Variants in PKD1L3 observed in about 807,000 individuals in gnomAD.
PKD1L3 encodes polycystin 1 like 3, transient receptor potential channel interacting.
Under a neutral mutation model 184.1 loss-of-function variants are expected in PKD1L3, and 239 were observed. The ratio of observed to expected loss-of-function variants is 1.30; its 90% CI spans 1.17 to 1.45. PKD1L3 has a LOEUF of 1.45. Ranked by LOEUF, PKD1L3 falls within the 40% of genes most tolerant of loss-of-function variation. The pLI, the probability that PKD1L3 is intolerant of heterozygous loss-of-function variation, is 0.00. For synonymous variants in PKD1L3, 996 were observed against 778.8 expected, an observed-to-expected ratio of 1.28 and a Z score of -4.64; for missense variants, 2,660 against 2,067.2, an observed-to-expected ratio of 1.29 and a Z score of -5.56.
intron 17 of PKD1L3, 42 bp downstream of exon 17, chr16:71,954,063 G>A (rs760999559): frequency 2.1e-6 from 3 of 1,403,176 alleles, no homozygotes; most frequent in South Asian, 3.1e-5. Flanking sequence ...AAAAAAAAAG[G>A]ATTGCTTACT....
chr16:71,989,554 G>A (rs573207789), intron 4 of PKD1L3, among the ~76,000 whole-genome samples: 1 of 152,302 alleles, frequency 6.6e-6, no homozygotes, highest in South Asian at 2.1e-4. Flanking sequence ...TTTCTACATA[G>A]GACACAAGGG....
At chr16:71,945,305 TACACACACACACACACATATATACAC>T (rs764719687) in intron 22 of PKD1L3, among the ~76,000 whole-genome samples, 1,510 of 59,168 alleles carry the variant, frequency 0.026, 44 homozygotes, top group South Asian at 0.087. Flanking sequence ...TATATATATA[TACACACACACACACACATATATACAC>T]ACACACACAC....
At position 71,974,147 on chromosome 16, in the gene PKD1L3, C is replaced by T. The variant is rs548711911; in HGVS notation, c.1760-630G>A. ...GATAGAAGACTAAGGTAACAAACCC[C>T]AGGGTGAAGCAAACATAGAGATAGG... is the stretch of plus-strand genomic sequence containing the variant. On this transcript the variant is annotated intron_variant, in intron 11 of 29. Coordinates refer to ENST00000620267, the MANE Select transcript of PKD1L3 (RefSeq NM_181536.2). Among the ~76,000 whole-genome samples the T allele has an allele frequency of 5.9e-5, 9 of 152,162 alleles. No individual in the cohort carries two copies. The South Asian group carries it at 1.7e-3, about 28-fold the overall frequency.
intron 19 of PKD1L3, among the ~76,000 whole-genome samples, chr16:71,951,325 C>G (rs2038825517): frequency 6.6e-6 from 1 of 152,218 alleles, no homozygotes. Context: ...CAGGCGTGAC[C>G]CACATCTGGC....
At chr16:71,940,310 A>C (rs1342460256) in intron 24 of PKD1L3, among the ~76,000 whole-genome samples, 1 of 152,066 alleles carries the variant, frequency 6.6e-6, no homozygotes, top group Non-Finnish European at 1.5e-5. Flanking sequence ...AAGGGGATTA[A>C]GGGAAAGTTT....
At chr16:71,952,854 C>T in intron 18 of PKD1L3, 40 bp downstream of exon 18, 1 of 1,505,714 alleles carries the variant, frequency 6.6e-7, no homozygotes, top group Middle Eastern at 2.4e-4. Flanking sequence ...AACAAGCAGG[C>T]AATAAAATAA....
chr16:71,966,590 C>G (rs142045009), intron 15 of PKD1L3, among the ~76,000 whole-genome samples: 1 of 151,918 alleles, frequency 6.6e-6, no homozygotes, highest in Admixed American at 6.6e-5. Context: ...CCATGCCTGG[C>G]GATTTTTTTT....
chr16:71,929,976 C>T (rs1334814129), intron 29 of PKD1L3, 76 bp downstream of exon 29: 72 of 1,420,152 alleles, frequency 5.1e-5, no homozygotes, highest in Non-Finnish European at 6.0e-5. Context: ...TATGTCAGCC[C>T]GTCATCTTAG....
chr16:71,990,417 A>C (rs1268029855), intron 3 of PKD1L3, 88 bp from the exon 4 acceptor site: 1 of 1,116,286 alleles, frequency 9.0e-7, no homozygotes, highest in Non-Finnish European at 1.3e-6. Flanking sequence ...TTCATGGCTA[A>C]AAATAATGCA....
chr16:71,949,552 C>A (rs866767465), intron 21 of PKD1L3, among the ~76,000 whole-genome samples: 5 of 151,992 alleles, frequency 3.3e-5, no homozygotes, highest in African/African-American at 9.7e-5. Context: ...GGAGTTTCAT[C>A]ATGTTGCCCA....
At position 71,973,390 on chromosome 16, in the gene PKD1L3, G is replaced by T. The variant is rs1567531275; in HGVS notation, c.1887C>A (p.Ile629=). The T allele has an allele frequency of 1.9e-6, 3 of 1,551,702 alleles. No homozygotes were observed. In the East Asian group the frequency reaches 7.3e-5, roughly 38 times the overall value. Reference sequence around the variant, plus strand: ...AGTAGTAACACTGAGTGACGGCGGTGATGACCGAGACCAAGCTGGGTGTCT... The same window carrying T: ...AGTAGTAACACTGAGTGACGGCGGTTATGACCGAGACCAAGCTGGGTGTCT... ...AQQTPSLVSV[I]TAVTQCYYWE... Residue 629 remains isoleucine, a synonymous_variant, in exon 12 of 30, where the codon ATC becomes ATA. Transcript: ENST00000620267.
chr16:71,968,485 T>C (rs2039584642), intron 13 of PKD1L3, among the ~76,000 whole-genome samples: 2 of 152,346 alleles, frequency 1.3e-5, no homozygotes, highest in Admixed American at 1.3e-4. Context: ...TGGCGTATTC[T>C]AGAATTTCCA....
At chr16:71,968,801 G>A (rs901816446) in intron 13 of PKD1L3, among the ~76,000 whole-genome samples, 1 of 152,116 alleles carries the variant, frequency 6.6e-6, no homozygotes, top group African/African-American at 2.4e-5. Context: ...TCACCATGTT[G>A]GCCAGGCTGG....
At position 71,929,620 on chromosome 16, in the gene PKD1L3, C is replaced by G. The variant is rs371294495; in HGVS notation, c.5117G>C (p.Ser1706Thr). The change falls in exon 30 of 30, where the codon AGT becomes ACT. Residue 1706 changes from serine to threonine, a missense_variant. Coordinates refer to ENST00000620267, the MANE Select transcript of PKD1L3 (RefSeq NM_181536.2). The stretch of plus-strand genomic sequence containing the variant: ...CTCAGATGAGGTTTTTTGGGGCCAA[C>G]TGATTCCTAACAAATTTGAGAGCTT... Reference protein sequence around the residue: ...LQKLSNLLGISWPQKTSSEQA... With the variant: ...LQKLSNLLGITWPQKTSSEQA... 4 of 1,551,724 alleles carry G rather than the reference C, an allele frequency of 2.6e-6. No individual in the cohort carries two copies. The highest frequency in any genetic ancestry group is 2.4e-5 in the South Asian group (2 of 84,068).
At chr16:71,938,359 G>T (rs1054925048) in intron 24 of PKD1L3, among the ~76,000 whole-genome samples, 1 of 152,236 alleles carries the variant, frequency 6.6e-6, no homozygotes, top group South Asian at 2.1e-4. Context: ...GGGGGCTGAG[G>T]GTGGCTTGCC....
intron 21 of PKD1L3, 108 bp downstream of exon 21, chr16:71,949,675 T>C (rs2038753492): frequency 9.6e-7 from 1 of 1,044,310 alleles, no homozygotes; most frequent in Non-Finnish European, 1.4e-6. Flanking sequence ...TTGTTTTTTG[T>C]TGTTTATGTT....
intron 24 of PKD1L3, among the ~76,000 whole-genome samples, chr16:71,941,520 G>C (rs531948522): frequency 1.3e-5 from 2 of 150,654 alleles, no homozygotes; most frequent in Non-Finnish European, 3.0e-5. Flanking sequence ...CCAAAAAAAT[G>C]CAAGAAAATT....
chr16:71,966,993 TG>T, intron 15 of PKD1L3, 143 bp downstream of exon 15: 1 of 933,136 alleles, frequency 1.1e-6, no homozygotes. Context: ...GCTTATTCTG[TG>T]TAGACAGCTT....
chr16:71,960,252 AAAT>A (rs375213255), intron 16 of PKD1L3, among the ~76,000 whole-genome samples: 68 of 152,204 alleles, frequency 4.5e-4, no homozygotes, highest in African/African-American at 1.5e-3. Flanking sequence ...GGATTATAAC[AAAT>A]AATGCAAAAT....
Sources: gnomAD v4.1 joint callset for allele counts (sites outside exome capture counted in the v4.1 genomes callset) on GRCh38, gnomAD v4.1.1 for gene constraint, MANE v1.5 for transcripts, NCBI Gene and HGNC (gene_info 2026-07-23, HGNC 2026-07-21) for gene names.